Variants in CNTN5 observed in about 807,000 individuals in gnomAD.
CNTN5 encodes contactin 5.
CNTN5 carries 77 observed loss-of-function variants against 129.1 expected under a neutral mutation model. The observed-to-expected ratio is 0.60, with a 90% confidence interval of 0.50 to 0.72. CNTN5 has a LOEUF of 0.72. CNTN5 is among the 30% of genes least tolerant of loss of function. CNTN5 has a pLI of 0.00. For missense variants in CNTN5, 1,478 were observed against 1,328.8 expected, an observed-to-expected ratio of 1.11 and a Z score of -1.75; for synonymous variants, 509 against 465.6, an observed-to-expected ratio of 1.09 and a Z score of -1.20.
chr11:100,116,646 A>T (rs1340839640), intron 13 of CNTN5, among the ~76,000 whole-genome samples: 2 of 152,088 alleles, frequency 1.3e-5, no homozygotes, highest in African/African-American at 4.8e-5. Context: ...ATAATTGCCT[A>T]TTACAATTTT....
intron 3 of CNTN5, among the ~76,000 whole-genome samples, chr11:99,703,323 G>A (rs1244826580): frequency 2.0e-5 from 3 of 149,332 alleles, no homozygotes; most frequent in African/African-American, 7.3e-5. Context: ...TTATCTAGAG[G>A]TTGAGTTTTG....
intron 1 of CNTN5, among the ~76,000 whole-genome samples, chr11:99,313,092 C>A (rs927790876): frequency 1.3e-5 from 2 of 151,148 alleles, no homozygotes; most frequent in Non-Finnish European, 2.9e-5. Flanking sequence ...TGACATCTCA[C>A]GCAATCCAAG....
intron 2 of CNTN5, among the ~76,000 whole-genome samples, chr11:99,507,968 T>A (rs889254642): frequency 2.0e-5 from 3 of 152,206 alleles, no homozygotes; most frequent in Admixed American, 1.3e-4. Context: ...AATGTTAGTT[T>A]TTATTATTAT....
At chr11:99,081,923 T>C (rs1432959117) in intron 1 of CNTN5, among the ~76,000 whole-genome samples, 1 of 152,220 alleles carries the variant, frequency 6.6e-6, no homozygotes, top group Non-Finnish European at 1.5e-5. Context: ...AATATCATTT[T>C]ATTAAACTAA....
chr11:100,203,133 G>A (rs527296526), intron 15 of CNTN5, among the ~76,000 whole-genome samples: 2 of 152,080 alleles, frequency 1.3e-5, no homozygotes, highest in Non-Finnish European at 2.9e-5. Flanking sequence ...TCATCAAATT[G>A]TTTAAAATTC....
chr11:99,979,047 C>A (rs1031127161), intron 8 of CNTN5, among the ~76,000 whole-genome samples: 8 of 152,190 alleles, frequency 5.3e-5, no homozygotes, highest in African/African-American at 1.9e-4. Flanking sequence ...AACACTGTTT[C>A]TCTCTCCTTT....
At chr11:99,782,441 T>G (rs1945345845) in intron 3 of CNTN5, among the ~76,000 whole-genome samples, 1 of 150,668 alleles carries the variant, frequency 6.6e-6, no homozygotes, top group Admixed American at 6.6e-5. Context: ...CCCATCAAGC[T>G]ACCAATGCCT....
intron 3 of CNTN5, among the ~76,000 whole-genome samples, chr11:99,576,005 G>T (rs1406294519): frequency 6.6e-6 from 1 of 152,300 alleles, no homozygotes; most frequent in East Asian, 1.9e-4. Context: ...CATCACAGCT[G>T]CACCATTCAG....
intron 2 of CNTN5, among the ~76,000 whole-genome samples, chr11:99,381,976 C>G (rs944222187): frequency 1.5e-4 from 13 of 84,180 alleles, no homozygotes; most frequent in Non-Finnish European, 1.2e-4. Flanking sequence ...CGTAGTCTCC[C>G]TTTAAAAACA....
chr11:99,205,828 G>GA (rs11312004), intron 1 of CNTN5, among the ~76,000 whole-genome samples: 19 of 151,664 alleles, frequency 1.3e-4, no homozygotes, highest in East Asian at 9.7e-4. Flanking sequence ...CAATAAAGCT[G>GA]AAAAAAAATA....
chr11:100,006,879 T>G (rs1380224481), intron 9 of CNTN5, among the ~76,000 whole-genome samples: 4 of 152,136 alleles, frequency 2.6e-5, no homozygotes, highest in East Asian at 1.9e-4. Flanking sequence ...ATTTTGTAAT[T>G]CATTCTTAAG....
intron 1 of CNTN5, among the ~76,000 whole-genome samples, chr11:99,097,971 T>C (rs890553045): frequency 3.3e-4 from 50 of 152,128 alleles, no homozygotes; most frequent in African/African-American, 1.1e-3. Flanking sequence ...ATACTCCTTA[T>C]ATAATTTCTG....
intron 9 of CNTN5, among the ~76,000 whole-genome samples, chr11:100,014,241 C>A (rs1417437930): frequency 1.3e-5 from 2 of 152,084 alleles, no homozygotes; most frequent in Non-Finnish European, 2.9e-5. Context: ...ACATTTGATG[C>A]AGCCCTCTGC....
intron 6 of CNTN5, among the ~76,000 whole-genome samples, chr11:99,899,638 TGAG>T (rs1949302023): frequency 6.6e-6 from 1 of 152,046 alleles, no homozygotes; most frequent in Non-Finnish European, 1.5e-5. Context: ...AGTGTTTTGT[TGAG>T]GAGTTTTGCA....
chr11:99,677,039 C>T (rs552598729), intron 3 of CNTN5, among the ~76,000 whole-genome samples: 2 of 152,150 alleles, frequency 1.3e-5, no homozygotes, highest in South Asian at 4.1e-4. Flanking sequence ...CTATCTCCTA[C>T]TCAATAACTA....
chr11:99,213,390 A>ACGTGTATATATATATATACATATATACG (rs1859931204), intron 1 of CNTN5, among the ~76,000 whole-genome samples: 1 of 139,922 alleles, frequency 7.1e-6, no homozygotes, highest in Non-Finnish European at 1.5e-5. Context: ...ACATATATAC[A>ACGTGTATATATATATATACATATATACG]CGTGTATATA....
intron 2 of CNTN5, among the ~76,000 whole-genome samples, chr11:99,379,914 C>T (rs530924733): frequency 1.3e-5 from 2 of 151,944 alleles, no homozygotes; most frequent in African/African-American, 4.8e-5. Flanking sequence ...TTTAAATACA[C>T]ATATATGTGT....
intron 3 of CNTN5, among the ~76,000 whole-genome samples, chr11:99,745,713 A>T (rs1364616098): frequency 7.3e-6 from 1 of 137,690 alleles, no homozygotes. Context: ...TAAGCCTTGT[A>T]TATGACCTGA....
chr11:100,018,677 GA>G lies in CNTN5; in HGVS notation c.980+16542del, dbSNP rs1388708423. ...ACATAAGCATTGAAAGTTTTTCTTA[GA>G]TAAATACTTATGAGTGGAATGGCTA... is the stretch of plus-strand genomic sequence containing the variant. On this transcript the variant is annotated intron_variant, in intron 9 of 24. Coordinates refer to ENST00000524871, the MANE Select transcript of CNTN5 (RefSeq NM_014361.4). Among the ~76,000 whole-genome samples the G allele has an allele frequency of 5.3e-5, 8 of 151,982 alleles. No homozygotes were observed. In the East Asian group the frequency reaches 1.5e-3, roughly 29 times the overall value.
Sources: gnomAD v4.1 joint callset for allele counts (sites outside exome capture counted in the v4.1 genomes callset) on GRCh38, gnomAD v4.1.1 for gene constraint, MANE v1.5 for transcripts, NCBI Gene and HGNC (gene_info 2026-07-23, HGNC 2026-07-21) for gene names.